Variants in MBD5 observed in about 807,000 individuals in gnomAD.
MBD5 encodes methyl-CpG-binding domain protein 5.
Under a neutral mutation model 117.3 loss-of-function variants are expected in MBD5, and 13 were observed. The observed-to-expected ratio is 0.11, with a 90% CI of 0.07 to 0.18. The LOEUF is 0.18. Ranked by LOEUF, MBD5 falls within the 10% of genes least tolerant of loss-of-function variation. The pLI is 1.00. For synonymous variants in MBD5, 727 were observed against 766.4 expected, an observed-to-expected ratio of 0.95 and a Z score of 0.85; for missense variants, 1,879 against 2,093.8, an observed-to-expected ratio of 0.90 and a Z score of 2.00.
intron 1 of MBD5, among the ~76,000 whole-genome samples, chr2:148,097,375 C>G (rs1474582855): frequency 6.6e-6 from 1 of 152,152 alleles, no homozygotes. Context: ...TCCTTGTAGT[C>G]TTATTAGGGA....
At chr2:148,202,707 A>G (rs1395634340) in intron 2 of MBD5, among the ~76,000 whole-genome samples, 2 of 152,180 alleles carry the variant, frequency 1.3e-5, no homozygotes, top group African/African-American at 2.4e-5. Flanking sequence ...AGGTAACTTC[A>G]ATGGTAAATA....
chr2:148,458,944 G>T, intron 5 of MBD5, 73 bp downstream of exon 5: 2 of 1,146,856 alleles, frequency 1.7e-6, no homozygotes, highest in South Asian at 2.5e-5. Flanking sequence ...CAAGCATGGT[G>T]ACTGATGGCA....
At chr2:148,136,398 C>T (rs758024454) in intron 1 of MBD5, among the ~76,000 whole-genome samples, 1 of 151,688 alleles carries the variant, frequency 6.6e-6, no homozygotes, top group Non-Finnish European at 1.5e-5. Context: ...GAAATTTTGG[C>T]GAAAAGAAGA....
At chr2:148,330,695 CA>C (rs1702623956) in intron 3 of MBD5, 1 of 152,122 alleles carries the variant, frequency 6.6e-6, no homozygotes, top group African/African-American at 2.4e-5. Context: ...GGTAGTTGAA[CA>C]AGACATTTGT....
intron 3 of MBD5, among the ~76,000 whole-genome samples, chr2:148,327,871 C>A (rs1290696798): frequency 1.3e-5 from 2 of 152,202 alleles, no homozygotes. Flanking sequence ...CAGCTTTGTT[C>A]TGTTGCTGGT....
chr2:148,396,642 A>G (rs1704723395), intron 4 of MBD5, among the ~76,000 whole-genome samples: 1 of 152,118 alleles, frequency 6.6e-6, no homozygotes, highest in South Asian at 2.1e-4. Context: ...AGTCACCTTT[A>G]TGACTATGTC....
At chr2:148,273,124 A>G (rs996673997) in intron 3 of MBD5, among the ~76,000 whole-genome samples, 1 of 152,090 alleles carries the variant, frequency 6.6e-6, no homozygotes, top group African/African-American at 2.4e-5. Context: ...CCTTTGCAAA[A>G]ATTATGACAG....
In MBD5 at chr2:148,264,845, C is replaced by T. The variant is rs1700818037; in HGVS notation, c.-680+31450C>T. The T allele has an allele frequency of 2.0e-5, 3 of 152,314 alleles. No individual in the cohort carries two copies. The South Asian group carries it at 6.2e-4, about 32-fold the overall frequency. 9.4% of individuals were successfully genotyped at this position (152,314 alleles called of 1,614,324 possible). A position where few individuals can be genotyped will look rare whatever the true frequency, so the allele number is the denominator to read the frequency against. On this transcript the variant is annotated intron_variant, in intron 3 of 13. Transcript: ENST00000642680. ...GTTTGCTGTTTCAGTGTGACTGCAGCTTCCATGAGTAACCTCTGCCTCACT... is the reference window on the plus strand; with the variant it reads ...GTTTGCTGTTTCAGTGTGACTGCAGTTTCCATGAGTAACCTCTGCCTCACT...
chr2:148,339,213 C>T (rs944731675), intron 3 of MBD5, among the ~76,000 whole-genome samples: 1 of 152,126 alleles, frequency 6.6e-6, no homozygotes, highest in Non-Finnish European at 1.5e-5. Context: ...CCATGTCTTC[C>T]TCTGGATGAA....
intron 7 of MBD5, 54 bp downstream of exon 7, chr2:148,463,973 G>A (rs570963155): frequency 6.4e-7 from 1 of 1,568,718 alleles, no homozygotes; most frequent in East Asian, 2.3e-5. Context: ...AGAAGGAGTT[G>A]CTAGAAATCA....
intron 7 of MBD5, among the ~76,000 whole-genome samples, chr2:148,466,919 C>G (rs1323288912): frequency 6.6e-6 from 1 of 152,168 alleles, no homozygotes; most frequent in African/African-American, 2.4e-5. Context: ...TATGATTTGA[C>G]CTGTATAGTG....
chr2:148,303,453 C>G (rs958966666), intron 3 of MBD5, among the ~76,000 whole-genome samples: 2 of 152,108 alleles, frequency 1.3e-5, no homozygotes, highest in Admixed American at 6.5e-5. Context: ...AAGGCAAAGA[C>G]AAAGAGGAGT....
chr2:148,351,860 AC>A (rs1469101643), intron 4 of MBD5, among the ~76,000 whole-genome samples: 2 of 152,014 alleles, frequency 1.3e-5, no homozygotes, highest in East Asian at 3.9e-4. Context: ...ATGTCAGATA[AC>A]AGATGATCCT....
chr2:148,331,512 G>A (rs1316775916), intron 3 of MBD5, among the ~76,000 whole-genome samples: 4 of 151,988 alleles, frequency 2.6e-5, no homozygotes, highest in Non-Finnish European at 5.9e-5. Context: ...TGCCTGATGT[G>A]TATTTAGATA....
At chr2:148,414,196 C>A (rs1263572415) in intron 4 of MBD5, among the ~76,000 whole-genome samples, 1 of 152,090 alleles carries the variant, frequency 6.6e-6, no homozygotes, top group East Asian at 1.9e-4. Context: ...CAAAGAGTTT[C>A]TGGATTTTGG....
At chr2:148,289,458 T>C (rs1442500026) in intron 3 of MBD5, among the ~76,000 whole-genome samples, 2 of 152,174 alleles carry the variant, frequency 1.3e-5, no homozygotes, top group South Asian at 2.1e-4. Flanking sequence ...GTATAATTAG[T>C]ACAACTCTTG....
At chr2:148,445,884 G>A (rs148319177) in intron 4 of MBD5, among the ~76,000 whole-genome samples, 18,997 of 151,246 alleles carry the variant, frequency 0.13, 1,678 homozygotes, top group Non-Finnish European at 0.19. Context: ...TCTAATGGCC[G>A]GTGATGATGA....
chr2:148,054,612 A>G (rs1331000041), intron 1 of MBD5: 3 of 152,192 alleles, frequency 2.0e-5, no homozygotes, highest in African/African-American at 7.2e-5. Context: ...TGCAACATCC[A>G]AGTACATGAT....
rs1206381419 is a variant in MBD5, at chr2:148,148,016, T to C, written c.-924-30684T>C. Among the ~76,000 whole-genome samples the C allele has an allele frequency of 2.6e-5, 4 of 152,290 alleles. No individual in the cohort carries two copies. In the East Asian group the frequency reaches 7.7e-4, roughly 29 times the overall value. On this transcript the variant is annotated intron_variant, in intron 1 of 13. Coordinates refer to ENST00000642680, the MANE Select transcript of MBD5 (RefSeq NM_001378120.1). ...CCTATGAACATTTTACTCTCCAATT[T>C]TTTTCTTTGATTTTTTTGTAAGCCT...
Sources: allele counts gnomAD v4.1 joint callset (sites outside exome capture counted in the v4.1 genomes callset), GRCh38; gene constraint gnomAD v4.1.1; transcripts MANE v1.5; gene names NCBI Gene and HGNC (gene_info 2026-07-23, HGNC 2026-07-21).